ENOX1: variants seen among roughly 807,000 people sequenced by gnomAD.
ENOX1 encodes ecto-NOX disulfide-thiol exchanger 1.
ENOX1 carries 42 observed loss-of-function variants against 82.5 expected under a neutral mutation model. The observed-to-expected ratio is 0.51, with a 90% CI of 0.40 to 0.66. The LOEUF (loss-of-function observed/expected upper bound fraction) is 0.66, where lower values mean the gene tolerates loss of function less well. ENOX1 is among the 30% of genes least tolerant of loss of function. ENOX1 has a pLI of 0.00. For synonymous variants in ENOX1, 271 were observed against 282.2 expected (o/e 0.96, Z 0.40); for missense variants, 608 against 811.6 (o/e 0.75, Z 3.05).
chr13:43,735,106 G>GAA (rs1321826135), intron 1 of ENOX1, among the ~76,000 whole-genome samples: 1 of 151,900 alleles, frequency 6.6e-6, no homozygotes. Context: ...TTGTAAGAAA[G>GAA]AAAAAAGAAT....
chr13:43,584,185 C>A (rs1485039942), intron 2 of ENOX1, among the ~76,000 whole-genome samples: 1 of 152,220 alleles, frequency 6.6e-6, no homozygotes, highest in Non-Finnish European at 1.5e-5. Flanking sequence ...AAAGCAGCTA[C>A]AACCTTCAAT....
chr13:43,741,609 T>C (rs373926232), intron 1 of ENOX1, among the ~76,000 whole-genome samples: 23 of 152,358 alleles, frequency 1.5e-4, no homozygotes, highest in East Asian at 3.9e-4. Flanking sequence ...TTTATTAAGT[T>C]GCATGAGTTC....
chr13:43,711,793 T>C (rs2087737440), intron 1 of ENOX1, among the ~76,000 whole-genome samples: 1 of 151,490 alleles, frequency 6.6e-6, no homozygotes, highest in Non-Finnish European at 1.5e-5. Context: ...GTAAATTTGT[T>C]GGAGTTCATT....
chr13:43,344,800 C>T, intron 8 of ENOX1, 50 bp from the exon 9 acceptor site: 22 of 1,557,550 alleles, frequency 1.4e-5, no homozygotes, highest in Non-Finnish European at 1.9e-5. Flanking sequence ...TGAGAAAATA[C>T]ACTTTATTCT....
At chr13:43,222,773 A>G (rs904020713) in intron 16 of ENOX1, among the ~76,000 whole-genome samples, 16 of 152,226 alleles carry the variant, frequency 1.1e-4, no homozygotes, top group African/African-American at 3.9e-4. Flanking sequence ...GAAATCCTTC[A>G]AATCTATATG....
In ENOX1 at chr13:43,766,049, T is replaced by C. The variant is rs147997121; in HGVS notation, c.-285+20603A>G. On this transcript the variant is annotated intron_variant, in intron 1 of 16. Transcript: ENST00000690772. ...CAAAAGAATCATTAGTCATTTTATA[T>C]GTGCTTCTCCTTCCATTGATTAGCT... Among the ~76,000 whole-genome samples, 432 of 152,340 alleles carry C rather than the reference T, an allele frequency of 2.8e-3. 3 individuals are homozygous for C. The highest frequency in any genetic ancestry group is 0.022 in the Admixed American group (334 of 15,304).
intron 2 of ENOX1, among the ~76,000 whole-genome samples, chr13:43,606,502 G>T: frequency 6.6e-6 from 1 of 152,156 alleles, no homozygotes; most frequent in East Asian, 1.9e-4. Flanking sequence ...AACAAAAATG[G>T]ATGCAAAGGA....
chr13:43,582,817 T>C (rs1193488553), intron 2 of ENOX1, among the ~76,000 whole-genome samples: 2 of 152,194 alleles, frequency 1.3e-5, no homozygotes, highest in African/African-American at 4.8e-5. Context: ...TTATAATTGA[T>C]TCCTTTGCTC....
rs556142516 is a variant in ENOX1 at position 43,500,224 on chromosome 13, C to T, written c.-218-16072G>A. Among the ~76,000 whole-genome samples, 7 of 152,072 alleles carry T rather than the reference C, an allele frequency of 4.6e-5. No homozygotes were observed. The East Asian group carries it at 5.8e-4, about 13-fold the overall frequency. On this transcript the variant is annotated intron_variant, in intron 2 of 16. Transcript: ENST00000690772. ...GGCTGAACTTTTTAAAACCTGAAGACGGAAATGGACATTCAAATTCATGAG... is the reference window on the plus strand; with the variant it reads ...GGCTGAACTTTTTAAAACCTGAAGATGGAAATGGACATTCAAATTCATGAG...
chr13:43,757,669 T>G (rs1950730700), intron 1 of ENOX1, among the ~76,000 whole-genome samples: 1 of 152,180 alleles, frequency 6.6e-6, no homozygotes, highest in South Asian at 2.1e-4. Context: ...ACACCAAATG[T>G]TGGTCAGGAT....
intron 1 of ENOX1, among the ~76,000 whole-genome samples, chr13:43,757,128 A>C (rs1950700625): frequency 6.6e-6 from 1 of 152,198 alleles, no homozygotes. Flanking sequence ...TGTGTTATGA[A>C]AGATAAAAAT....
chr13:43,657,048 C>G (rs2084469435), intron 2 of ENOX1, among the ~76,000 whole-genome samples: 1 of 152,102 alleles, frequency 6.6e-6, no homozygotes, highest in Admixed American at 6.6e-5. Context: ...AATCCACAAA[C>G]TAAATAGCCT....
Position 43,322,718 on chromosome 13 carries a change from G to A in ENOX1, c.1144-217C>T, listed in dbSNP as rs546756395. On this transcript the variant is annotated intron_variant, in intron 10 of 16. Coordinates refer to ENST00000690772, the MANE Select transcript of ENOX1 (RefSeq NM_001347969.2). ...TAATCCCTGCTCACCCATGACTAGGGCTCTTTAGCAAATAATTTAATCTCT... is the reference window on the plus strand; with the variant it reads ...TAATCCCTGCTCACCCATGACTAGGACTCTTTAGCAAATAATTTAATCTCT... 1.3e-3 allele frequency among the ~76,000 whole-genome samples: 199 copies of A among 152,278 alleles called. 5 individuals are homozygous for A. The South Asian group carries it at 0.04, about 31-fold the overall frequency.
chr13:43,519,325 T>C (rs112934086), intron 2 of ENOX1, among the ~76,000 whole-genome samples: 2,056 of 152,300 alleles, frequency 0.013, 46 homozygotes, highest in African/African-American at 0.047. Context: ...CTTTGAACTA[T>C]TGGCTTACAG....
intron 2 of ENOX1, among the ~76,000 whole-genome samples, chr13:43,543,258 A>T (rs529893530): frequency 4.7e-4 from 72 of 152,246 alleles, no homozygotes; most frequent in Non-Finnish European, 7.4e-4. Flanking sequence ...GAGGGGAAAA[A>T]TTGGGGGATC....
In ENOX1 at chr13:43,298,519, G is replaced by T; in HGVS notation, c.1273C>A (p.Gln425Lys). ...MRVDESALAAQAYALKEENDS... is the reference protein window; with the variant it reads ...MRVDESALAAKAYALKEENDS... The stretch of plus-strand genomic sequence containing the variant: ...TTCTCCTCTTTCAGAGCGTAGGCCT[G>T]GGCAGCCAGGGCTGAGGGACAAACA... The change falls in exon 12 of 17, where the codon CAG (glutamine) becomes AAG (lysine). Residue 425 changes from glutamine to lysine, a missense_variant. Transcript: ENST00000690772. 1.2e-6 allele frequency: 2 copies of T among 1,610,410 alleles called. No individual in the cohort carries two copies. The highest frequency in any genetic ancestry group is 1.7e-6 in the Non-Finnish European group (2 of 1,178,668).
At chr13:43,241,026 A>C (rs1341417265) in intron 14 of ENOX1, among the ~76,000 whole-genome samples, 1 of 152,102 alleles carries the variant, frequency 6.6e-6, no homozygotes, top group African/African-American at 2.4e-5. Flanking sequence ...TGGTGAAGCC[A>C]AAATTCTTCT....
intron 5 of ENOX1, among the ~76,000 whole-genome samples, chr13:43,404,593 C>T (rs1200488341): frequency 6.6e-6 from 1 of 152,232 alleles, no homozygotes; most frequent in Non-Finnish European, 1.5e-5. Flanking sequence ...CTCTTTGTAA[C>T]ATCCCACAAT....
intron 12 of ENOX1, among the ~76,000 whole-genome samples, chr13:43,271,892 TTG>T (rs2044706631): frequency 6.6e-6 from 1 of 152,296 alleles, no homozygotes; most frequent in African/African-American, 2.4e-5. Context: ...TGTCATTGTT[TTG>T]TGTGTTTTTT....
Sources: allele counts gnomAD v4.1 joint callset (sites outside exome capture counted in the v4.1 genomes callset), GRCh38; gene constraint gnomAD v4.1.1; transcripts MANE v1.5; gene names NCBI Gene and HGNC (gene_info 2026-07-23, HGNC 2026-07-21).